The following KSR2 variants were observed in gnomAD, a reference collection of about 807,000 sequenced individuals.
KSR2 encodes the protein kinase suppressor of ras 2.
Under a neutral mutation model 107.8 loss-of-function variants are expected in KSR2, and 25 were observed. That is an observed-to-expected ratio of 0.23 (90% CI 0.17 to 0.32). The LOEUF is 0.32. Among genes scored for constraint, KSR2 ranks in the 10% least tolerant of loss-of-function variants. The probability of loss-of-function intolerance (pLI) is 1.00; values close to 1 mark genes in which losing one functional copy is unlikely to be tolerated. For synonymous variants in KSR2, 480 were observed against 507.0 expected, an observed-to-expected ratio of 0.95 and a Z score of 0.71; for missense variants, 887 against 1,268.9, an observed-to-expected ratio of 0.70 and a Z score of 4.57.
At chr12:117,830,932 G>A (rs1891938637) in intron 3 of KSR2, among the ~76,000 whole-genome samples, 1 of 152,012 alleles carries the variant, frequency 6.6e-6, no homozygotes, top group Non-Finnish European at 1.5e-5. Context: ...TAGCTCAAAG[G>A]AAAAACCAAA....
intron 1 of KSR2, among the ~76,000 whole-genome samples, chr12:117,895,038 T>A (rs1223117981): frequency 2.0e-5 from 3 of 151,760 alleles, no homozygotes; most frequent in Non-Finnish European, 2.9e-5. Context: ...AAGACCAGCC[T>A]GGGCAATACA....
intron 1 of KSR2, among the ~76,000 whole-genome samples, chr12:117,931,497 A>G (rs1356186958): frequency 6.6e-6 from 1 of 152,178 alleles, no homozygotes; most frequent in Non-Finnish European, 1.5e-5. Context: ...CACAATCTTG[A>G]GTCAAGACTG....
At chr12:117,850,606 G>A (rs1231501339) in intron 3 of KSR2, among the ~76,000 whole-genome samples, 1 of 152,004 alleles carries the variant, frequency 6.6e-6, no homozygotes, top group East Asian at 1.9e-4. Flanking sequence ...TCAGGAGTTC[G>A]AGACCAGCTG....
At chr12:117,536,082 C>T (rs1876033108) in intron 10 of KSR2, among the ~76,000 whole-genome samples, 1 of 152,086 alleles carries the variant, frequency 6.6e-6, no homozygotes, top group Admixed American at 6.6e-5. Flanking sequence ...TTCTTATATC[C>T]TTTTCACCAC....
intron 5 of KSR2, among the ~76,000 whole-genome samples, chr12:117,609,208 T>C (rs1318823430): frequency 6.6e-6 from 1 of 152,162 alleles, no homozygotes; most frequent in Non-Finnish European, 1.5e-5. Context: ...TGAGAGATAT[T>C]GAGCAAATTA....
At chr12:117,829,297 T>G (rs1053622788) in intron 3 of KSR2, among the ~76,000 whole-genome samples, 2 of 152,190 alleles carry the variant, frequency 1.3e-5, no homozygotes, top group African/African-American at 4.8e-5. Context: ...AATTGGTAAC[T>G]TTCTGGTTTT....
At chr12:117,909,320 C>T (rs1432475392) in intron 1 of KSR2, among the ~76,000 whole-genome samples, 1 of 152,182 alleles carries the variant, frequency 6.6e-6, no homozygotes, top group Non-Finnish European at 1.5e-5. Flanking sequence ...TAGCTTCCCC[C>T]TACCAGGTTT....
intron 3 of KSR2, among the ~76,000 whole-genome samples, chr12:117,835,314 T>A (rs1282079291): frequency 1.3e-5 from 2 of 152,184 alleles, no homozygotes; most frequent in Non-Finnish European, 2.9e-5. Flanking sequence ...CATGTATGTG[T>A]GTGCATGGCG....
chr12:117,601,331 G>A (rs954421543), intron 5 of KSR2, among the ~76,000 whole-genome samples: 1 of 150,210 alleles, frequency 6.7e-6, no homozygotes, highest in Non-Finnish European at 1.5e-5. Flanking sequence ...ATTAAATAGT[G>A]TCCTTCCCCA....
chr12:117,509,512 C>T (rs1364417325), intron 14 of KSR2, among the ~76,000 whole-genome samples: 3 of 152,216 alleles, frequency 2.0e-5, no homozygotes, highest in African/African-American at 7.2e-5. Context: ...GCAACTGCAG[C>T]TTATTGACAA....
intron 1 of KSR2, among the ~76,000 whole-genome samples, chr12:117,913,531 TG>T (rs1895087229): frequency 6.6e-6 from 1 of 151,846 alleles, no homozygotes; most frequent in African/African-American, 2.4e-5. Context: ...CTCAAAAGGG[TG>T]GGCCCTAAAT....
chr12:117,968,029 C>CTTT (rs34834989), intron 1 of KSR2, 47 bp downstream of exon 1: 69 of 678,872 alleles, frequency 1.0e-4, no homozygotes, highest in South Asian at 3.8e-4. Flanking sequence ...AGAAGGATTG[C>CTTT]TTTTTTTTTT....
chr12:117,558,038 G>A (rs1877827678), intron 8 of KSR2, among the ~76,000 whole-genome samples: 1 of 152,106 alleles, frequency 6.6e-6, no homozygotes, highest in Non-Finnish European at 1.5e-5. Context: ...ACACTCCTAG[G>A]GCCCCAGGAG....
intron 5 of KSR2, among the ~76,000 whole-genome samples, chr12:117,634,074 T>C (rs1183636733): frequency 2.0e-5 from 3 of 152,316 alleles, no homozygotes; most frequent in Admixed American, 1.3e-4. Context: ...ACCCAGAGCC[T>C]AGCCCAGCCC....
intron 10 of KSR2, among the ~76,000 whole-genome samples, chr12:117,535,231 C>T (rs1592966768): frequency 6.6e-6 from 1 of 152,122 alleles, no homozygotes; most frequent in Non-Finnish European, 1.5e-5. Flanking sequence ...AAACTGCAGC[C>T]CTGGGCAGTG....
At chr12:117,793,691 A>G (rs1691239514) in intron 3 of KSR2, among the ~76,000 whole-genome samples, 1 of 150,838 alleles carries the variant, frequency 6.6e-6, no homozygotes, top group African/African-American at 2.4e-5. Flanking sequence ...CAACATGCAC[A>G]CATACAACAT....
At chr12:117,800,074 A>C (rs1167457074) in intron 3 of KSR2, among the ~76,000 whole-genome samples, 1 of 152,242 alleles carries the variant, frequency 6.6e-6, no homozygotes, top group Non-Finnish European at 1.5e-5. Flanking sequence ...GGTTGGGTAC[A>C]TAAGAACATC....
intron 3 of KSR2, among the ~76,000 whole-genome samples, chr12:117,837,528 G>A (rs1232782946): frequency 6.6e-6 from 1 of 151,994 alleles, no homozygotes; most frequent in Non-Finnish European, 1.5e-5. Context: ...AAGCAGCTAC[G>A]TGCCCCTAAC....
At chr12:117,784,021 A>C (rs1416278135) in intron 3 of KSR2, among the ~76,000 whole-genome samples, 1 of 152,204 alleles carries the variant, frequency 6.6e-6, no homozygotes, top group Admixed American at 6.5e-5. Context: ...GGAAGAGTAC[A>C]TGAGAATTTT....
Sources: gnomAD v4.1 joint callset for allele counts (sites outside exome capture counted in the v4.1 genomes callset) on GRCh38, gnomAD v4.1.1 for gene constraint, MANE v1.5 for transcripts, NCBI Gene and HGNC (gene_info 2026-07-23, HGNC 2026-07-21) for gene names.